Variants in KAT6B observed in about 807,000 individuals in gnomAD.
KAT6B encodes the protein lysine acetyltransferase 6B.
Under a neutral mutation model 187.5 loss-of-function variants are expected in KAT6B, and 10 were observed. The observed-to-expected ratio is 0.05, with a 90% CI of 0.03 to 0.09. The LOEUF is 0.09. Among genes scored for constraint, KAT6B ranks in the 10% least tolerant of loss-of-function variants. KAT6B has a pLI of 1.00. For missense variants in KAT6B, 1,952 were observed against 2,558.9 expected (o/e 0.76, Z 5.12); for synonymous variants, 861 against 926.8 (o/e 0.93, Z 1.29).
At chr10:74,985,785 G>C (rs559739856) in intron 12 of KAT6B, among the ~76,000 whole-genome samples, 1 of 152,132 alleles carries the variant, frequency 6.6e-6, no homozygotes, top group Non-Finnish European at 1.5e-5. Context: ...AGTGGCTTAC[G>C]CGTGTAATCC....
At position 74,965,399 on chromosome 10, in the gene KAT6B, G is replaced by C. The variant is rs143148056; in HGVS notation, c.731-4261G>C. ...TAATGCTCATTCTTGTTTAATGTTT[G>C]TCTTTCCTGCTGGGCTATGTGATCT... On this transcript the variant is annotated intron_variant, in intron 4 of 17. Coordinates refer to ENST00000287239, the MANE Select transcript of KAT6B (RefSeq NM_012330.4). Among the ~76,000 whole-genome samples, 435 of 152,248 alleles carry C rather than the reference G, an allele frequency of 2.9e-3. 3 individuals carry two copies. The highest frequency in any genetic ancestry group is 0.01 in the African/African-American group (417 of 41,538).
intron 3 of KAT6B, among the ~76,000 whole-genome samples, chr10:74,869,960 G>C (rs1274986897): frequency 1.3e-5 from 2 of 152,168 alleles, no homozygotes; most frequent in Non-Finnish European, 1.5e-5. Context: ...CTGATCCTGT[G>C]TCTGAGATAA....
At chr10:74,953,432 A>G (rs1323008095) in intron 3 of KAT6B, among the ~76,000 whole-genome samples, 1 of 152,208 alleles carries the variant, frequency 6.6e-6, no homozygotes, top group East Asian at 1.9e-4. Flanking sequence ...TTGAACTTTA[A>G]CAACCCGAGA....
intron 3 of KAT6B, among the ~76,000 whole-genome samples, chr10:74,844,657 T>C (rs549415706): frequency 1.1e-3 from 175 of 152,368 alleles, no homozygotes; most frequent in African/African-American, 4.1e-3. Context: ...TTGGGCCTTA[T>C]GTTATTTCTA....
At chr10:74,891,014 A>T (rs1845613470) in intron 3 of KAT6B, among the ~76,000 whole-genome samples, 2 of 152,378 alleles carry the variant, frequency 1.3e-5, no homozygotes, top group South Asian at 4.1e-4. Flanking sequence ...CATTCAATAA[A>T]AGCAAAGAGC....
chr10:74,837,097 T>A (rs994332937), intron 1 of KAT6B, among the ~76,000 whole-genome samples: 6 of 152,230 alleles, frequency 3.9e-5, no homozygotes, highest in Non-Finnish European at 7.3e-5. Flanking sequence ...GCATAATACT[T>A]ATGATCCAGG....
chr10:74,847,089 C>T (rs1048261091), intron 3 of KAT6B, among the ~76,000 whole-genome samples: 7 of 152,056 alleles, frequency 4.6e-5, no homozygotes, highest in Non-Finnish European at 1.0e-4. Flanking sequence ...TATTTTTAGT[C>T]TAAAGGAAAA....
chr10:74,892,389 G>T (rs1449163848), intron 3 of KAT6B, among the ~76,000 whole-genome samples: 1 of 152,176 alleles, frequency 6.6e-6, no homozygotes, highest in Non-Finnish European at 1.5e-5. Context: ...GCGACAGTTA[G>T]TAGTGGCACT....
At chr10:74,853,109 C>CTT (rs1233676750) in intron 3 of KAT6B, among the ~76,000 whole-genome samples, 154 of 113,732 alleles carry the variant, frequency 1.4e-3, no homozygotes, top group African/African-American at 2.2e-3. Flanking sequence ...TTTCTTTCAT[C>CTT]TTTTTTTTTT....
At chr10:74,830,760 ATATATATATTTTTTTTTTTTTTTTTTTTT>A (rs1840753452) in intron 1 of KAT6B, among the ~76,000 whole-genome samples, 1 of 27,026 alleles carries the variant, frequency 3.7e-5, no homozygotes, top group African/African-American at 2.9e-4. Context: ...ATATATATAT[ATATATATATTTTTTTTTTTTTTTTTTTTT>A]TTTTTTTTTT....
chr10:75,028,724 C>T lies in KAT6B; in HGVS notation c.3900C>T (p.Thr1300=), dbSNP rs201742830. 2 of 1,613,902 alleles carry T rather than the reference C, an allele frequency of 1.2e-6. No homozygotes were observed. The highest frequency in any genetic ancestry group is 1.7e-6 in the Non-Finnish European group (2 of 1,180,008). Residue 1300 remains threonine, a synonymous_variant, in exon 18 of 18, where the codon ACC becomes ACT. Coordinates refer to ENST00000287239, the MANE Select transcript of KAT6B (RefSeq NM_012330.4). ...AGAAGGAGACTTCAGAAGGAAAAAC[C>T]AGCCCCAGTCCCATCAGGATTGAGG... ...EEQKETSEGK[T]SPSPIRIEEE... is the part of the protein sequence containing the mutation.
intron 3 of KAT6B, 118 bp downstream of exon 3, chr10:74,843,596 G>A: frequency 7.7e-7 from 1 of 1,300,312 alleles, no homozygotes; most frequent in Non-Finnish European, 1.1e-6. Context: ...TGAATGTTTT[G>A]CCTTAGAGCA....
At chr10:74,825,996 G>A (rs1383645401), upstream of KAT6B, among the ~76,000 whole-genome samples, 1 of 151,974 alleles carries the variant, frequency 6.6e-6, no homozygotes, top group African/African-American at 2.4e-5. The surrounding 1 kb of genome is among the most constrained non-coding windows in gnomAD (Gnocchi z 5.0). Flanking sequence ...ACACTCCACC[G>A]AAGGAGCTGG....
chr10:74,877,110 C>T (rs1435282104), intron 3 of KAT6B, among the ~76,000 whole-genome samples: 1 of 151,782 alleles, frequency 6.6e-6, no homozygotes, highest in Non-Finnish European at 1.5e-5. Flanking sequence ...GGATTACAGG[C>T]ATGCGCCACC....
chr10:74,988,915 T>C (rs1842965627), intron 12 of KAT6B, 104 bp from the exon 13 acceptor site: 10 of 776,084 alleles, frequency 1.3e-5, no homozygotes, highest in Non-Finnish European at 2.1e-5. Flanking sequence ...ACCTAACCCA[T>C]TGGCTTTCTT....
chr10:75,001,056 CT>C (rs1843798943), intron 13 of KAT6B, among the ~76,000 whole-genome samples: 1 of 152,094 alleles, frequency 6.6e-6, no homozygotes, highest in African/African-American at 2.4e-5. Flanking sequence ...CCCTCCACCC[CT>C]GCCCCCCACA....
chr10:74,907,829 C>T (rs1846885943), intron 3 of KAT6B, among the ~76,000 whole-genome samples: 1 of 152,252 alleles, frequency 6.6e-6, no homozygotes, highest in South Asian at 2.1e-4. Context: ...TGCACCCAGC[C>T]ATGATGGCTT....
At position 75,030,853 on chromosome 10, in the gene KAT6B, A is replaced by G; in HGVS notation, c.6029A>G (p.His2010Arg). 1.9e-6 allele frequency: 3 copies of G among 1,614,224 alleles called. No individual in the cohort carries two copies. Among genetic ancestry groups the G allele is most frequent in the Non-Finnish European group, 2.5e-6 (3 of 1,180,040 alleles). The change falls in exon 18 of 18, where the codon CAT (histidine) becomes CGT (arginine). Residue 2010 changes from histidine to arginine, a missense_variant. This residue lies in a region of KAT6B where 358 missense variants were observed against 436.3 expected (regional missense o/e 0.82). Coordinates refer to ENST00000287239, the MANE Select transcript of KAT6B (RefSeq NM_012330.4). The surrounding 1 kb of genome is among the most constrained non-coding windows in gnomAD (Gnocchi z 4.8). Reference sequence around the variant, plus strand: ...ATGAACAGTGGCTACCACAGCAATCATGGCTATATGAATCAAACGCCCCAA... The same window carrying G: ...ATGAACAGTGGCTACCACAGCAATCGTGGCTATATGAATCAAACGCCCCAA... ...PMMNSGYHSN[H>R]GYMNQTPQYP...
chr10:75,026,397 C>G (rs1215091883), intron 17 of KAT6B, among the ~76,000 whole-genome samples: 1 of 152,070 alleles, frequency 6.6e-6, no homozygotes, highest in Admixed American at 6.6e-5. Context: ...CTCTCTATTC[C>G]CTGGCCAAGA....
Sources: gnomAD v4.1 joint callset for allele counts (sites outside exome capture counted in the v4.1 genomes callset) on GRCh38, gnomAD v4.1.1 for gene constraint, gnomAD v4.1.1 regional missense constraint, Gnocchi (gnomAD v3.1) non-coding constraint, MANE v1.5 for transcripts, NCBI Gene and HGNC (gene_info 2026-07-23, HGNC 2026-07-21) for gene names.